PLXNB3: variants seen among roughly 807,000 people sequenced by gnomAD.
PLXNB3 encodes plexin B3, also known as plexin-B3.
Under a neutral mutation model 125.7 loss-of-function variants are expected in PLXNB3, and 80 were observed. The observed-to-expected ratio is 0.64, with a 90% CI of 0.53 to 0.77. The LOEUF (loss-of-function observed/expected upper bound fraction) is 0.77, where lower values mean the gene tolerates loss of function less well. Among genes scored for constraint, PLXNB3 ranks in the 30% least tolerant of loss-of-function variants. PLXNB3 has a pLI of 0.00. For missense variants in PLXNB3, 1,836 were observed against 1,729.3 expected (o/e 1.06, Z -1.09); for synonymous variants, 954 against 783.3 (o/e 1.22, Z -3.64).
chrX:153,768,545 C>A, intron 4 of PLXNB3, 117 bp downstream of exon 4: 1 of 672,810 alleles, frequency 1.5e-6, no homozygotes, highest in Non-Finnish European at 2.2e-6. Flanking sequence ...GGGGACTTTG[C>A]CACACAGTGA....
rs1557065078 is a variant in PLXNB3 at position 153,777,959 on chromosome X, G to A, written c.5273G>A (p.Arg1758Gln). ...CCCTGCGCCCCCAGTCTGCTGCTGC[G>A]GTTCTGGGTGAATGCCTTGAAGAAC... ...HIWKTNSLLL[R>Q]FWVNALKNPQ... Residue 1758 changes from arginine (R) to glutamine (Q), a missense_variant, in exon 32 of 36, where the codon CGG (arginine) becomes CAG (glutamine). Arg to Gln is a conservative substitution (Grantham distance 43, BLOSUM62 1). Coordinates refer to ENST00000361971, the MANE Select transcript of PLXNB3 (RefSeq NM_005393.3). 5 of 1,208,500 alleles carry A rather than the reference G, an allele frequency of 4.1e-6. No individual in the cohort carries two copies. The highest frequency in any genetic ancestry group is 2.2e-5 in the Admixed American group (1 of 45,978).
chrX:153,777,689 G>C lies in PLXNB3; in HGVS notation c.5261+1G>C. 8.3e-7 allele frequency: 1 copy of C among 1,209,737 alleles called. No individual in the cohort carries two copies. The highest frequency in any genetic ancestry group is 2.2e-5 in the Admixed American group (1 of 46,087). On this transcript the variant is annotated splice_donor_variant, in intron 31 of 35. Transcript: ENST00000361971. LOFTEE classifies it high-confidence loss of function. ...CCCTGCACATCTGGAAGACCAACAGGTGCCTTTCCTGCTGCCCCACCCCTG... is the reference window on the plus strand; with the variant it reads ...CCCTGCACATCTGGAAGACCAACAGCTGCCTTTCCTGCTGCCCCACCCCTG...
intron 6 of PLXNB3, 135 bp from the exon 7 acceptor site, chrX:153,769,672 A>C: frequency 1.5e-6 from 1 of 676,394 alleles, no homozygotes; most frequent in Non-Finnish European, 2.2e-6. Context: ...TTCTCTCTGG[A>C]CACAGTCCCC....
At chrX:153,775,455 G>A in intron 25 of PLXNB3, 52 bp downstream of exon 25, 3 of 1,170,355 alleles carry the variant, frequency 2.6e-6, no homozygotes, top group Non-Finnish European at 3.5e-6. Flanking sequence ...CCACAGACCT[G>A]CCCCCATCGC....
In PLXNB3 at chrX:153,779,252, TC is replaced by T. The variant is rs1411438107; in HGVS notation, c.*218del. ...TGAGATTGTTTCTAATTTATAAGGA[TC>T]CCCCTCCTTCCCCCTCTCCCCATTG... On this transcript the variant is annotated 3_prime_UTR_variant, in exon 36 of 36. Transcript: ENST00000361971. 3.6e-6 allele frequency: 1 copy of T among 276,031 alleles called. No individual in the cohort carries two copies. Among genetic ancestry groups the T allele is most frequent in the Non-Finnish European group, 6.1e-6 (1 of 165,048 alleles). 22.7% of individuals were successfully genotyped at this position (276,031 alleles called of 1,213,427 possible). A position where few individuals can be genotyped will look rare whatever the true frequency, so the allele number is the denominator to read the frequency against.
In PLXNB3 at chrX:153,777,966, G is replaced by A. The variant is rs1557065083; in HGVS notation, c.5280G>A (p.Trp1760Ter). The A allele has an allele frequency of 8.3e-7, 1 of 1,209,427 alleles. No individual in the cohort carries two copies. The highest frequency in any genetic ancestry group is 2.2e-5 in the Admixed American group (1 of 45,986). Residue 1760 changes from tryptophan (W) to a stop codon, truncating the protein, a stop_gained, in exon 32 of 36, where the codon TGG becomes TGA. Coordinates refer to ENST00000361971, the MANE Select transcript of PLXNB3 (RefSeq NM_005393.3). LOFTEE classifies it high-confidence loss of function. ...CCCCCAGTCTGCTGCTGCGGTTCTG[G>A]GTGAATGCCTTGAAGAACCCACAGC... ...WKTNSLLLRF[W>*]VNALKNPQLI...
rs782224519 is a variant in PLXNB3 at position 153,774,411 on chromosome X, G to C, written c.3679-9G>C. On this transcript the variant is annotated splice_polypyrimidine_tract_variant and intron_variant, in intron 21 of 35. Transcript: ENST00000361971. ...CAGCATGCACTCAGGAACCCTGCCC[G>C]CCCCCCAGGTGCAGATGGGCAATGT... is the stretch of plus-strand genomic sequence containing the variant. The C allele has an allele frequency of 8.5e-7, 1 of 1,176,891 alleles. No homozygotes were observed. The highest frequency in any genetic ancestry group is 1.1e-6 in the Non-Finnish European group (1 of 876,569).
Position 153,772,978 on chromosome X carries a change from C to T in PLXNB3, c.2868C>T (p.Gly956=). 2.1e-5 allele frequency: 25 copies of T among 1,198,868 alleles called. No homozygotes were observed. The highest frequency in any genetic ancestry group is 2.7e-5 in the Non-Finnish European group (24 of 890,565). ...GAGGTCAGCACCTCCAGACAGGTGG[C>T]AACACCAGTGCCTTCGTGGGTGGCC... The part of the protein sequence containing the change: ...TIRGQHLQTG[G]NTSAFVGGQP... The change falls in exon 17 of 36, where the codon GGC becomes GGT. Residue 956 remains glycine (G), a synonymous_variant. Coordinates refer to ENST00000361971, the MANE Select transcript of PLXNB3 (RefSeq NM_005393.3).
At position 153,766,902 on chromosome X, in the gene PLXNB3, C is replaced by T. The variant is rs371534758; in HGVS notation, c.75C>T (p.Phe25=). Residue 25 remains phenylalanine (F), a synonymous_variant, in exon 3 of 36, where the codon TTC becomes TTT. Coordinates refer to ENST00000361971, the MANE Select transcript of PLXNB3 (RefSeq NM_005393.3). ...CCGTGATGGCTCGCTGGCCTCCCTTCGGCCTCTGCCTCCTCCTGCTGCTGC... is the reference window on the plus strand; with the variant it reads ...CCGTGATGGCTCGCTGGCCTCCCTTTGGCCTCTGCCTCCTCCTGCTGCTGC... The part of the protein sequence containing the change: ...MAPVMARWPP[F]GLCLLLLLLS... The T allele has an allele frequency of 3.8e-5, 46 of 1,203,879 alleles. No homozygotes were observed. The highest frequency in any genetic ancestry group is 4.9e-5 in the Non-Finnish European group (44 of 893,226).
rs782578401 is a variant in PLXNB3, at chrX:153,767,524, AGCTACGTCGGG to A, written c.700_710del (p.Tyr234LeufsTer21). On this transcript the variant is annotated frameshift_variant, in exon 3 of 36. Coordinates refer to ENST00000361971, the MANE Select transcript of PLXNB3 (RefSeq NM_005393.3). LOFTEE classifies it high-confidence loss of function. ...GGGCGACTTCTCCGACTACAACAAC[AGCTACGTCGGG>A]GCCTTTGCCGACGCCCGCTCCGCCT... 1 of 1,176,870 alleles carries A rather than the reference AGCTACGTCGGG, an allele frequency of 8.5e-7. No individual in the cohort carries two copies. Among genetic ancestry groups the A allele is most frequent in the East Asian group, 3.0e-5 (1 of 33,421 alleles).
rs1484904503 is a variant in PLXNB3 at position 153,779,263 on chromosome X, C to T, written c.*224C>T. 3.5e-6 allele frequency: 1 copy of T among 288,273 alleles called. No individual in the cohort carries two copies. Among genetic ancestry groups the T allele is most frequent in the African/African-American group, 2.9e-5 (1 of 34,503 alleles). The allele number at this position is 288,273 out of a possible 1,213,427, so 23.8% of individuals were successfully genotyped here. Reference sequence around the variant, plus strand: ...CTAATTTATAAGGATCCCCCTCCTTCCCCCTCTCCCCATTGTATTTATTTG... The same window carrying T: ...CTAATTTATAAGGATCCCCCTCCTTTCCCCTCTCCCCATTGTATTTATTTG... On this transcript the variant is annotated 3_prime_UTR_variant, in exon 36 of 36. Coordinates refer to ENST00000361971, the MANE Select transcript of PLXNB3 (RefSeq NM_005393.3).
At chrX:153,768,212 T>C in intron 3 of PLXNB3, 37 bp from the exon 4 acceptor site, 4 of 1,152,484 alleles carry the variant, frequency 3.5e-6, no homozygotes, top group Non-Finnish European at 4.7e-6. Flanking sequence ...CTCTCTGCTC[T>C]CTTCCGGGGG....
intron 6 of PLXNB3, 151 bp from the exon 7 acceptor site, chrX:153,769,656 G>A (rs1436931385): frequency 9.9e-6 from 6 of 608,433 alleles, no homozygotes; most frequent in East Asian, 3.6e-5. Context: ...TGCCTGCTTG[G>A]CCCCTTTCTC....
Position 153,768,160 on chromosome X carries a change from G to A in PLXNB3, c.1087-89G>A, listed in dbSNP as rs2091880474. 13 of 988,205 alleles carry A rather than the reference G, an allele frequency of 1.3e-5. No homozygotes were observed. In the East Asian group the frequency reaches 3.8e-4, roughly 29 times the overall value. The allele number at this position is 988,205 out of a possible 1,213,427, so 81.4% of individuals were successfully genotyped here. On this transcript the variant is annotated intron_variant, in intron 3 of 35. Coordinates refer to ENST00000361971, the MANE Select transcript of PLXNB3 (RefSeq NM_005393.3). The stretch of plus-strand genomic sequence containing the variant: ...GCCTTGGGGTCATCCCAGGGTGCCT[G>A]GCTCTCCTCCCGCTGGCAGCCTGGG...
intron 15 of PLXNB3, 48 bp downstream of exon 15, chrX:153,772,063 G>A: frequency 8.6e-7 from 1 of 1,158,642 alleles, no homozygotes; most frequent in Non-Finnish European, 1.2e-6. Flanking sequence ...CTCAGAGATG[G>A]CCACCCAGAG....
At chrX:153,766,417 C>A in intron 2 of PLXNB3, 1 of 1,078,461 alleles carries the variant, frequency 9.3e-7, no homozygotes, top group Non-Finnish European at 1.2e-6. Flanking sequence ...GTGGTGGGCG[C>A]AGGGGCGCGC....
intron 15 of PLXNB3, 58 bp from the exon 16 acceptor site, chrX:153,772,124 G>A (rs1179584822): frequency 1.8e-6 from 2 of 1,106,020 alleles, no homozygotes; most frequent in African/African-American, 4.9e-5. Flanking sequence ...TCAGGGGAGG[G>A]GTGGGCTGTC....
Position 153,775,867 on chromosome X carries a change from G to A in PLXNB3, c.4402-20G>A, listed in dbSNP as rs2091980366. 6.7e-6 allele frequency: 8 copies of A among 1,192,103 alleles called. No homozygotes were observed. Among genetic ancestry groups the A allele is most frequent in the Non-Finnish European group, 5.7e-6 (5 of 882,924 alleles). ...AATCCTCCCTCGCTTGGCTGATGCC[G>A]GCTCATCTTGGCAGTGCAGGAGGTG... is the stretch of plus-strand genomic sequence containing the variant. On this transcript the variant is annotated intron_variant, in intron 26 of 35. Coordinates refer to ENST00000361971, the MANE Select transcript of PLXNB3 (RefSeq NM_005393.3).
At position 153,778,486 on chromosome X, in the gene PLXNB3, G is replaced by C. The variant is rs782692794; in HGVS notation, c.5550+15G>C. ...AGCTCTCCGGGGTGAGGCATGGCCC[G>C]GGGGGTGCGCCTGTCCACACGTGGG... On this transcript the variant is annotated intron_variant, in intron 34 of 35. Transcript: ENST00000361971. The C allele has an allele frequency of 8.3e-7, 1 of 1,202,220 alleles. No individual in the cohort carries two copies. The highest frequency in any genetic ancestry group is 1.7e-5 in the African/African-American group (1 of 57,689).
Sources: allele counts gnomAD v4.1 joint callset, GRCh38; gene constraint gnomAD v4.1.1; transcripts MANE v1.5; gene names NCBI Gene and HGNC (gene_info 2026-07-23, HGNC 2026-07-21).